The following VPS54 variants were observed in gnomAD, a reference collection of about 807,000 sequenced individuals.
VPS54 encodes the protein vacuolar protein sorting-associated protein 54.
A neutral mutation model predicts 121.5 loss-of-function variants in VPS54; 45 were observed. The ratio of observed to expected loss-of-function variants is 0.37; its 90% CI spans 0.29 to 0.47. VPS54 has a LOEUF of 0.47. VPS54 is among the 20% of genes least tolerant of loss of function. VPS54 has a pLI of 0.99. For missense variants in VPS54, 1,090 were observed against 1,131.4 expected (o/e 0.96, Z 0.52); for synonymous variants, 371 against 385.8 (o/e 0.96, Z 0.45).
At position 63,893,315 on chromosome 2, in the gene VPS54, C is replaced by CCA. The variant is rs775544276; in HGVS notation, c.*113_*114dup. ...TTGATACTTTCCTTTTTCCCTTCCCCCACCCCAGTTCACTTTGGGTTTCAG... is the reference window on the plus strand; with the variant it reads ...TTGATACTTTCCTTTTTCCCTTCCCCCACACCCCAGTTCACTTTGGGTTTCAG... On this transcript the variant is annotated 3_prime_UTR_variant, in exon 23 of 23. Coordinates refer to ENST00000272322, the MANE Select transcript of VPS54 (RefSeq NM_016516.3). 2.0e-5 allele frequency: 18 copies of CCA among 909,042 alleles called. No individual in the cohort carries two copies. In the African/African-American group the frequency reaches 2.4e-4, roughly 12 times the overall value. 56.3% of individuals were successfully genotyped at this position (909,042 alleles called of 1,614,324 possible).
In VPS54 at chr2:63,912,654, A is replaced by G. The variant is rs754864692; in HGVS notation, c.2430T>C (p.Ser810=). The G allele has an allele frequency of 2.5e-6, 4 of 1,572,748 alleles. No homozygotes were observed. Among genetic ancestry groups the G allele is most frequent in the Non-Finnish European group, 3.4e-6 (4 of 1,169,706 alleles). Residue 810 remains serine, a synonymous_variant, in exon 19 of 23, where the codon TCT becomes TCC. Transcript: ENST00000272322. The stretch of plus-strand genomic sequence containing the variant: ...GCACAATTAACTGCAAACATCGTGA[A>G]GAAAGAGCTGAAGATCCAGGGAGTA... ...KTITTKNLAL[S]SRCLQLIVHY...
chr2:63,954,423 TA>T (rs1675397651), intron 7 of VPS54, among the ~76,000 whole-genome samples: 1 of 152,142 alleles, frequency 6.6e-6, no homozygotes. Flanking sequence ...TCCAATTCGT[TA>T]TTTTGAAAAC....
intron 1 of VPS54, among the ~76,000 whole-genome samples, chr2:63,991,998 C>T (rs1356352071): frequency 1.3e-5 from 2 of 152,200 alleles, no homozygotes; most frequent in East Asian, 3.9e-4. Flanking sequence ...CCCTTTACCT[C>T]AAGGTTTGGT....
intron 1 of VPS54, among the ~76,000 whole-genome samples, chr2:63,984,840 T>C (rs973486091): frequency 6.6e-6 from 1 of 152,130 alleles, no homozygotes; most frequent in Non-Finnish European, 1.5e-5. Flanking sequence ...ATATTGAAAC[T>C]GGACACTAAA....
At chr2:63,937,389 A>G (rs767343821) in intron 11 of VPS54, among the ~76,000 whole-genome samples, 10 of 152,244 alleles carry the variant, frequency 6.6e-5, no homozygotes, top group Non-Finnish European at 1.5e-4. Flanking sequence ...GCACATAAAA[A>G]AGATGCTCAA....
chr2:64,003,803 A>G (rs1559053195), intron 1 of VPS54, among the ~76,000 whole-genome samples: 1 of 152,138 alleles, frequency 6.6e-6, no homozygotes, highest in African/African-American at 2.4e-5. Flanking sequence ...TCAGTTAAAA[A>G]CTTCTTTTGA....
At chr2:63,979,925 A>G (rs1676731345) in intron 3 of VPS54, among the ~76,000 whole-genome samples, 1 of 152,118 alleles carries the variant, frequency 6.6e-6, no homozygotes, top group African/African-American at 2.4e-5. Flanking sequence ...ATGTTTCATG[A>G]ACACTTGAAA....
intron 1 of VPS54, among the ~76,000 whole-genome samples, chr2:64,008,693 A>T (rs1205780315): frequency 6.6e-6 from 1 of 152,158 alleles, no homozygotes; most frequent in Non-Finnish European, 1.5e-5. Flanking sequence ...AGTGGAAATC[A>T]GCTGGGACTG....
At chr2:63,901,143 G>T (rs1672664813) in intron 20 of VPS54, among the ~76,000 whole-genome samples, 1 of 152,098 alleles carries the variant, frequency 6.6e-6, no homozygotes, top group African/African-American at 2.4e-5. Flanking sequence ...AAACTTTTCG[G>T]TTCTACTTTT....
chr2:64,014,710 A>G (rs1678598639), intron 1 of VPS54, among the ~76,000 whole-genome samples: 1 of 152,196 alleles, frequency 6.6e-6, no homozygotes, highest in Non-Finnish European at 1.5e-5. Context: ...ACAGTATATT[A>G]TAGTTGACAC....
At chr2:63,946,300 G>C (rs1211908173) in intron 9 of VPS54, among the ~76,000 whole-genome samples, 1 of 152,048 alleles carries the variant, frequency 6.6e-6, no homozygotes, top group Non-Finnish European at 1.5e-5. Flanking sequence ...TGGAATTTGG[G>C]CTGTTTCCAG....
chr2:63,945,026 C>T (rs1674914090), intron 9 of VPS54, among the ~76,000 whole-genome samples: 1 of 152,128 alleles, frequency 6.6e-6, no homozygotes. Context: ...ATCCAGCAAT[C>T]CCATTACTGG....
Position 63,992,135 on chromosome 2 carries a change from G to A in VPS54, c.-20-8116C>T, listed in dbSNP as rs755288936. On this transcript the variant is annotated intron_variant, in intron 1 of 22. Transcript: ENST00000272322. Reference sequence around the variant, plus strand: ...CTGCCAAGCTTCCTGTTTCCATTCCGGCCGGTGACTCAATTGCTCAATTGC... The same window carrying A: ...CTGCCAAGCTTCCTGTTTCCATTCCAGCCGGTGACTCAATTGCTCAATTGC... Among the ~76,000 whole-genome samples, 8 of 152,066 alleles carry A rather than the reference G, an allele frequency of 5.3e-5. No homozygotes were observed. In the East Asian group the frequency reaches 5.8e-4, roughly 11 times the overall value.
Position 63,921,339 on chromosome 2 carries a change from A to G in VPS54, c.1740-4T>C. 6.2e-7 allele frequency: 1 copy of G among 1,610,688 alleles called. No individual in the cohort carries two copies. The highest frequency in any genetic ancestry group is 8.5e-7 in the Non-Finnish European group (1 of 1,178,178). ...TAATTTCATATCTTCACTGACCCTG[A>G]AAATAACAAAATAAGATTTAGTCAG... On this transcript the variant is annotated splice_polypyrimidine_tract_variant and splice_region_variant and intron_variant, in intron 12 of 22. Coordinates refer to ENST00000272322, the MANE Select transcript of VPS54 (RefSeq NM_016516.3).
At position 63,964,984 on chromosome 2, in the gene VPS54, T is replaced by C. The variant is rs540168551; in HGVS notation, c.624+851A>G. ...AAATGACTTTCAAGGTGCTGACTTC[T>C]GGACTATGACATTGTAAAACGTAAA... On this transcript the variant is annotated intron_variant, in intron 6 of 22. Coordinates refer to ENST00000272322, the MANE Select transcript of VPS54 (RefSeq NM_016516.3). Among the ~76,000 whole-genome samples the C allele has an allele frequency of 8.5e-5, 13 of 152,342 alleles. No homozygotes were observed. The East Asian group carries it at 2.5e-3, about 29-fold the overall frequency.
chr2:63,916,889 G>A lies in VPS54; in HGVS notation c.2228+11C>T, dbSNP rs745972672. On this transcript the variant is annotated intron_variant, in intron 16 of 22. Transcript: ENST00000272322. ...GTTGACTCAACTACTAAAGAAAAAT[G>A]TGTCACTCACCCAACAACTGCATAC... is the stretch of plus-strand genomic sequence containing the variant. 6.2e-7 allele frequency: 1 copy of A among 1,613,072 alleles called. No homozygotes were observed. Among genetic ancestry groups the A allele is most frequent in the Non-Finnish European group, 8.5e-7 (1 of 1,179,268 alleles).
At chr2:63,904,438 C>CAA (rs58651830) in intron 20 of VPS54, among the ~76,000 whole-genome samples, 964 of 19,926 alleles carry the variant, frequency 0.048, 263 homozygotes, top group Middle Eastern at 0.1. Flanking sequence ...GACTTGGTCT[C>CAA]AAAAAAAAAA....
chr2:63,975,106 C>T (rs1304752102), intron 3 of VPS54: 14 of 1,414,018 alleles, frequency 9.9e-6, no homozygotes, highest in Admixed American at 2.1e-5. Flanking sequence ...AGTGCAGTGG[C>T]GTGATCTTGG....
Position 63,893,540 on chromosome 2 carries a change from A to G in VPS54, c.2829-5T>C. Reference sequence around the variant, plus strand: ...GCTACATCTGCTGTGACCAACCTAAATAATGGAGAGAAAATTATTTTTTAA... The same window carrying G: ...GCTACATCTGCTGTGACCAACCTAAGTAATGGAGAGAAAATTATTTTTTAA... On this transcript the variant is annotated splice_polypyrimidine_tract_variant and splice_region_variant and intron_variant, in intron 22 of 22. Coordinates refer to ENST00000272322, the MANE Select transcript of VPS54 (RefSeq NM_016516.3). The G allele has an allele frequency of 3.7e-6, 6 of 1,603,750 alleles. No individual in the cohort carries two copies. Among genetic ancestry groups the G allele is most frequent in the Non-Finnish European group, 5.1e-6 (6 of 1,175,646 alleles).
Sources: gnomAD v4.1 joint callset for allele counts (sites outside exome capture counted in the v4.1 genomes callset) on GRCh38, gnomAD v4.1.1 for gene constraint, MANE v1.5 for transcripts, NCBI Gene and HGNC (gene_info 2026-07-23, HGNC 2026-07-21) for gene names.